ZNF44: variants seen among roughly 807,000 people sequenced by gnomAD.
ZNF44 encodes the protein gonadotropin inducible transcription repressor-2.
A neutral mutation model predicts 11.7 loss-of-function variants in ZNF44; 9 were observed. The observed-to-expected ratio is 0.77, with a 90% CI of 0.46 to 1.35. ZNF44 has a LOEUF of 1.35. ZNF44 is among the 40% of genes most tolerant of loss of function. ZNF44 has a pLI of 0.00. For missense variants in ZNF44, 696 were observed against 743.1 expected, an observed-to-expected ratio of 0.94 and a Z score of 0.74; for synonymous variants, 224 against 242.7, an observed-to-expected ratio of 0.92 and a Z score of 0.72.
intron 3 of ZNF44, among the ~76,000 whole-genome samples, chr19:12,229,080 A>G (rs1252923690): frequency 6.6e-6 from 1 of 152,216 alleles, no homozygotes; most frequent in Non-Finnish European, 1.5e-5. Context: ...TCCCTTAAAA[A>G]TATTTGATTT....
chr19:12,238,209 G>C (rs977477755), upstream of ZNF44: 5 of 150,954 alleles, frequency 3.3e-5, no homozygotes, highest in East Asian at 9.7e-4. Context: ...AATCAAAAGG[G>C]GCCGGGCGCG....
chr19:12,279,733 A>G (rs1404871802), intron 1 of ZNF44, among the ~76,000 whole-genome samples: 1 of 152,072 alleles, frequency 6.6e-6, no homozygotes, highest in Non-Finnish European at 1.5e-5. Context: ...TGAGCCATAT[A>G]GAATTTCTGC....
intron 1 of ZNF44, chr19:12,293,449 G>A (rs1968102165): frequency 1.4e-6 from 2 of 1,386,852 alleles, no homozygotes; most frequent in Non-Finnish European, 1.9e-6. Context: ...CTGTGCCTAG[G>A]GGAGATAAAA....
intron 5 of ZNF44, among the ~76,000 whole-genome samples, chr19:12,259,108 C>A (rs1220328333): frequency 1.3e-5 from 2 of 152,240 alleles, no homozygotes; most frequent in East Asian, 3.9e-4. Flanking sequence ...CTCATGGGCT[C>A]CAGCAATCCA....
intron 3 of ZNF44, among the ~76,000 whole-genome samples, chr19:12,229,727 C>CCTCAGCCT (rs1254166453): frequency 2.0e-5 from 3 of 151,966 alleles, no homozygotes; most frequent in Non-Finnish European, 2.9e-5. Context: ...CATTCTTCTG[C>CCTCAGCCT]CTCAGCCTCC....
upstream of ZNF44, among the ~76,000 whole-genome samples, chr19:12,240,679 G>T (rs921546686): frequency 1.3e-5 from 2 of 152,164 alleles, no homozygotes; most frequent in African/African-American, 4.8e-5. Context: ...TGACAACAGT[G>T]CCATGATCAT....
At chr19:12,243,391 GAGTTTA>G (rs1916684602), downstream of ZNF44, among the ~76,000 whole-genome samples, 1 of 152,138 alleles carries the variant, frequency 6.6e-6, no homozygotes, top group East Asian at 1.9e-4. Flanking sequence ...CTCTGCCTCG[GAGTTTA>G]AGTTTTTAAT....
downstream of ZNF44, chr19:12,247,640 T>A: frequency 7.4e-7 from 1 of 1,342,836 alleles, no homozygotes; most frequent in Non-Finnish European, 9.9e-7. Flanking sequence ...TCCTTTCATG[T>A]CTTCGGGCAG....
At chr19:12,262,677 T>G (rs1917560857) in intron 5 of ZNF44, among the ~76,000 whole-genome samples, 1 of 152,154 alleles carries the variant, frequency 6.6e-6, no homozygotes, top group South Asian at 2.1e-4. Flanking sequence ...AGAACTTCAA[T>G]GCACTCATCT....
chr19:12,259,894 A>T (rs1367696120), intron 5 of ZNF44, among the ~76,000 whole-genome samples: 1 of 152,170 alleles, frequency 6.6e-6, no homozygotes, highest in Admixed American at 6.6e-5. Context: ...TCTGCTGTTA[A>T]AGAGTGTGGA....
chr19:12,244,673 C>T (rs765929169), downstream of ZNF44: 1 of 152,548 alleles, frequency 6.6e-6, no homozygotes, highest in Non-Finnish European at 1.5e-5. Context: ...TCTCCGATAA[C>T]CTAAAAGAAA....
In ZNF44 at chr19:12,272,435, T is replaced by G; in HGVS notation, c.1820A>C (p.Lys607Thr). 6.4e-7 allele frequency: 1 copy of G among 1,567,962 alleles called. No homozygotes were observed. The highest frequency in any genetic ancestry group is 8.6e-7 in the Non-Finnish European group (1 of 1,161,744). The change falls in exon 4 of 4, where the codon AAA becomes ACA. Residue 607 changes from lysine (K) to threonine (T), a missense_variant. Transcript: ENST00000355684. The stretch of plus-strand genomic sequence containing the variant: ...TAGAATATCCTTCCAGTGTGTCCTT[T>G]TATGTCTATTAAAGGAACTGAGAGA... ...FSSLSSFNRH[K>T]RTHWKDIL
At chr19:12,236,579 T>C (rs1439532901) in intron 1 of ZNF44, among the ~76,000 whole-genome samples, 2 of 152,144 alleles carry the variant, frequency 1.3e-5, no homozygotes, top group Non-Finnish European at 2.9e-5. Flanking sequence ...AAAACTGAAC[T>C]CTCAGCCTGC....
intron 5 of ZNF44, among the ~76,000 whole-genome samples, chr19:12,252,878 CTTTTTTTTT>C (rs753388314): frequency 2.5e-5 from 2 of 78,666 alleles, no homozygotes; most frequent in Admixed American, 1.9e-4. Context: ...CTACAAGAAA[CTTTTTTTTT>C]TTTTTTTTTT....
rs1290867217 is a variant in ZNF44, at chr19:12,272,716, GA to G, written c.1538del (p.Phe513SerfsTer7). The G allele has an allele frequency of 6.2e-7, 1 of 1,613,486 alleles. No individual in the cohort carries two copies. The highest frequency in any genetic ancestry group is 8.5e-7 in the Non-Finnish European group (1 of 1,179,634). On this transcript the variant is annotated frameshift_variant, in exon 4 of 4. Transcript: ENST00000355684. LOFTEE classifies it low-confidence loss of function (END_TRUNC). ...GAGTTTTTAAGTAACTGAAACGACT[GA>G]AGGCTTTGCCACAAATTTGACACTC... is the stretch of plus-strand genomic sequence containing the variant. ...SYECQICGKA[F>X]SRFSYLKTHE...
chr19:12,273,085 A>G lies in ZNF44; in HGVS notation c.1170T>C (p.Asp390=). The G allele has an allele frequency of 6.2e-7, 1 of 1,613,880 alleles. No individual in the cohort carries two copies. Among genetic ancestry groups the G allele is most frequent in the Non-Finnish European group, 8.5e-7 (1 of 1,179,912 alleles). The change falls in exon 4 of 4, where the codon GAT becomes GAC. Residue 390 remains aspartate (D), a synonymous_variant. Coordinates refer to ENST00000355684, the MANE Select transcript of ZNF44 (RefSeq NM_016264.4). ...CACATACTGTGCATTTATGAGGGCC[A>G]TCTCCAGTGTGTGCCATCATGTGTC... ...FRRHMMAHTG[D]GPHKCTVCGK... is the part of the protein sequence containing the mutation.
chr19:12,274,494 C>T (rs1023721140), intron 3 of ZNF44, among the ~76,000 whole-genome samples: 22 of 151,564 alleles, frequency 1.5e-4, no homozygotes, highest in African/African-American at 5.1e-4. Context: ...AGGTTGGTCT[C>T]GATCTCCTGA....
At chr19:12,227,987 A>G (rs1221573402) in intron 3 of ZNF44, among the ~76,000 whole-genome samples, 1 of 152,146 alleles carries the variant, frequency 6.6e-6, no homozygotes, top group East Asian at 1.9e-4. Context: ...GACCCTTTTT[A>G]ACCCTTTATA....
At chr19:12,293,263 T>C (rs1376250509) in intron 1 of ZNF44, 2 of 1,536,810 alleles carry the variant, frequency 1.3e-6, no homozygotes, top group East Asian at 2.4e-5. Flanking sequence ...CTCCAACACC[T>C]CAGGCTGTCC....
Sources: gnomAD v4.1 joint callset for allele counts (sites outside exome capture counted in the v4.1 genomes callset) on GRCh38, gnomAD v4.1.1 for gene constraint, MANE v1.5 for transcripts, NCBI Gene and HGNC (gene_info 2026-07-23, HGNC 2026-07-21) for gene names.